GGACT: variants seen among roughly 807,000 people sequenced by gnomAD.
The protein encoded by GGACT is gamma-glutamylaminecyclotransferase.
For synonymous variants in GGACT, 118 were observed against 115.3 expected (o/e 1.02, Z -0.15); for missense variants, 241 against 233.2 (o/e 1.03, Z -0.22).
At chr13:100,580,712 G>T (rs894309236) in intron 2 of GGACT, among the ~76,000 whole-genome samples, 1 of 152,208 alleles carries the variant, frequency 6.6e-6, no homozygotes, top group African/African-American at 2.4e-5. Context: ...TGGAAGAACT[G>T]CCAGGGGGAA....
intron 2 of GGACT, among the ~76,000 whole-genome samples, chr13:100,540,886 C>A (rs909004755): frequency 6.6e-6 from 1 of 152,194 alleles, no homozygotes; most frequent in Non-Finnish European, 1.5e-5. Flanking sequence ...TGCACCAGGC[C>A]CCTGGGCCGG....
At chr13:100,536,709 G>A (rs1397940129) in intron 2 of GGACT, 1 of 152,204 alleles carries the variant, frequency 6.6e-6, no homozygotes, top group Non-Finnish European at 1.5e-5. Context: ...TGAGCTGTCA[G>A]GTGGCAGGCC....
At chr13:100,564,240 A>C (rs1359968326) in intron 2 of GGACT, among the ~76,000 whole-genome samples, 2 of 152,156 alleles carry the variant, frequency 1.3e-5, no homozygotes, top group Non-Finnish European at 2.9e-5. Context: ...TGATTGTGGG[A>C]AGGGTCTATC....
At chr13:100,558,158 C>T (rs1449759642) in intron 2 of GGACT, among the ~76,000 whole-genome samples, 1 of 131,212 alleles carries the variant, frequency 7.6e-6, no homozygotes, top group East Asian at 2.2e-4. Context: ...CCAGCCTGGG[C>T]AAGAGGAACG....
At position 100,531,427 on chromosome 13, in the gene GGACT, G is replaced by C. The variant is rs1003663111; in HGVS notation, c.*703C>G. The C allele has an allele frequency of 2.0e-5, 3 of 152,176 alleles. No individual in the cohort carries two copies. The highest frequency in any genetic ancestry group is 7.2e-5 in the African/African-American group (3 of 41,430). 9.4% of individuals were successfully genotyped at this position (152,176 alleles called of 1,614,324 possible). ...TCAGATAAACTTCCACTTGAAGTCC[G>C]GGCGCTCAGCTGTGTCTACCAGCAA... is the stretch of plus-strand genomic sequence containing the variant. On this transcript the variant is annotated 3_prime_UTR_variant, in exon 3 of 3. Coordinates refer to ENST00000683975, the MANE Select transcript of GGACT (RefSeq NM_001195087.2).
rs139507377 is a variant in GGACT at position 100,579,637 on chromosome 13, T to C, written c.-11+4188A>G. Among the ~76,000 whole-genome samples the C allele has an allele frequency of 6.2e-3, 940 of 152,256 alleles. 9 individuals carry two copies. Among genetic ancestry groups the C allele is most frequent in the African/African-American group, 0.021 (885 of 41,544 alleles). On this transcript the variant is annotated intron_variant, in intron 2 of 2. Coordinates refer to ENST00000683975, the MANE Select transcript of GGACT (RefSeq NM_001195087.2). ...TACAACAGAGAGGCCAAGAAGAACCTGAGGAGACAGGCCTTGCTGGGCTTC... is the reference window on the plus strand; with the variant it reads ...TACAACAGAGAGGCCAAGAAGAACCCGAGGAGACAGGCCTTGCTGGGCTTC...
chr13:100,535,086 A>G (rs1356572450), intron 2 of GGACT, among the ~76,000 whole-genome samples: 1 of 152,244 alleles, frequency 6.6e-6, no homozygotes, highest in Non-Finnish European at 1.5e-5. Context: ...CAGGTGAGGA[A>G]GCCGAGTCCC....
intron 2 of GGACT, among the ~76,000 whole-genome samples, chr13:100,553,042 G>A (rs370806649): frequency 6.6e-6 from 1 of 152,168 alleles, no homozygotes; most frequent in African/African-American, 2.4e-5. Context: ...TGGGGGAACA[G>A]AAAGCATGCC....
intron 2 of GGACT, among the ~76,000 whole-genome samples, chr13:100,553,065 G>A (rs773445865): frequency 2.0e-5 from 3 of 152,160 alleles, no homozygotes; most frequent in East Asian, 1.9e-4. Flanking sequence ...CAGGCAGGGC[G>A]AGGCAGGGCC....
intron 2 of GGACT, among the ~76,000 whole-genome samples, chr13:100,550,265 C>A (rs534904084): frequency 6.7e-6 from 1 of 149,160 alleles, no homozygotes; most frequent in South Asian, 2.1e-4. Flanking sequence ...AAACTGGATG[C>A]GCTGAATGAA....
At chr13:100,543,892 CAAA>C (rs2088579182) in intron 2 of GGACT, among the ~76,000 whole-genome samples, 1 of 152,190 alleles carries the variant, frequency 6.6e-6, no homozygotes, top group African/African-American at 2.4e-5. Context: ...TACCTCGTGT[CAAA>C]ATTGGCCCCA....
chr13:100,546,338 G>T (rs1189593997), intron 2 of GGACT, among the ~76,000 whole-genome samples: 5 of 147,942 alleles, frequency 3.4e-5, no homozygotes. Context: ...CTCCAGCCTG[G>T]GCGACAGGGC....
chr13:100,541,051 A>G (rs1201368935), intron 2 of GGACT, among the ~76,000 whole-genome samples: 1 of 152,242 alleles, frequency 6.6e-6, no homozygotes, highest in East Asian at 1.9e-4. Context: ...GGTCTCAGAT[A>G]AAATGTAAGG....
intron 2 of GGACT, among the ~76,000 whole-genome samples, chr13:100,567,445 T>A (rs1325923998): frequency 6.6e-6 from 1 of 152,232 alleles, no homozygotes; most frequent in African/African-American, 2.4e-5. Context: ...ATTATTCCAT[T>A]GCTTTCTGGT....
chr13:100,561,328 T>C (rs780720938), intron 2 of GGACT, among the ~76,000 whole-genome samples: 2 of 152,216 alleles, frequency 1.3e-5, no homozygotes, highest in Non-Finnish European at 2.9e-5. Flanking sequence ...AACTGTATGG[T>C]ATGTGAATTA....
intron 2 of GGACT, among the ~76,000 whole-genome samples, chr13:100,552,092 C>A (rs1419885714): frequency 6.6e-6 from 1 of 152,196 alleles, no homozygotes; most frequent in Non-Finnish European, 1.5e-5. Context: ...GTGGTCCAGG[C>A]CAGATCTCTC....
intron 2 of GGACT, among the ~76,000 whole-genome samples, chr13:100,533,990 CA>C (rs2088455460): frequency 6.6e-6 from 1 of 152,354 alleles, no homozygotes; most frequent in East Asian, 1.9e-4. Flanking sequence ...CAGGAAACAG[CA>C]GCGGCTCGTG....
intron 2 of GGACT, among the ~76,000 whole-genome samples, chr13:100,550,042 C>A (rs2088642478): frequency 6.6e-6 from 1 of 152,144 alleles, no homozygotes; most frequent in Non-Finnish European, 1.5e-5. Flanking sequence ...TAAGACTCAA[C>A]TACAAGGAAG....
chr13:100,554,637 T>A (rs931853079), intron 2 of GGACT, among the ~76,000 whole-genome samples: 2 of 152,222 alleles, frequency 1.3e-5, no homozygotes, highest in African/African-American at 4.8e-5. Flanking sequence ...ATCCTTATTT[T>A]TTCAGAGACG....
Sources: allele counts gnomAD v4.1 joint callset (sites outside exome capture counted in the v4.1 genomes callset), GRCh38; gene constraint gnomAD v4.1.1; transcripts MANE v1.5; gene names NCBI Gene and HGNC (gene_info 2026-07-23, HGNC 2026-07-21).